TRPM3: variants seen among roughly 807,000 people sequenced by gnomAD.
TRPM3 encodes the protein transient receptor potential cation channel subfamily M member 3.
TRPM3 carries 77 observed loss-of-function variants against 181.2 expected under a neutral mutation model. The observed-to-expected ratio is 0.42, with a 90% confidence interval of 0.35 to 0.51. The LOEUF is 0.51. Ranked by LOEUF, TRPM3 falls within the 20% of genes least tolerant of loss-of-function variation. The pLI is 0.01. For missense variants in TRPM3, 1,759 were observed against 2,196.7 expected (o/e 0.80, Z 3.98); for synonymous variants, 745 against 796.4 (o/e 0.94, Z 1.09).
At chr9:70,931,522 A>G (rs2096775009) in intron 1 of TRPM3, among the ~76,000 whole-genome samples, 1 of 152,156 alleles carries the variant, frequency 6.6e-6, no homozygotes, top group Non-Finnish European at 1.5e-5. Context: ...TAATAAAAAC[A>G]ATAAAATGAA....
At chr9:71,268,226 A>G (rs1181230975) in intron 1 of TRPM3, among the ~76,000 whole-genome samples, 1 of 151,908 alleles carries the variant, frequency 6.6e-6, no homozygotes, top group Admixed American at 6.6e-5. Flanking sequence ...CTAAAAATAC[A>G]AAAGTTAGCC....
At chr9:70,776,013 A>T (rs80052820) in intron 7 of TRPM3, 1,886 of 156,538 alleles carry the variant, frequency 0.012, 46 homozygotes, top group African/African-American at 0.042. Flanking sequence ...ATATATTGTT[A>T]TTGACTATAG....
chr9:70,567,659 A>G (rs1482987039), intron 22 of TRPM3, among the ~76,000 whole-genome samples: 1 of 148,186 alleles, frequency 6.7e-6, no homozygotes, highest in Non-Finnish European at 1.5e-5. Flanking sequence ...CTAAACCACA[A>G]GTCGTATAAA....
At chr9:71,222,795 C>T (rs1373215513) in intron 1 of TRPM3, among the ~76,000 whole-genome samples, 5 of 152,136 alleles carry the variant, frequency 3.3e-5, no homozygotes, top group African/African-American at 4.8e-5. Context: ...CATTGGAACT[C>T]GGTGCTACCA....
chr9:71,423,186 A>G (rs2093807744), intron 1 of TRPM3, among the ~76,000 whole-genome samples: 2 of 152,076 alleles, frequency 1.3e-5, no homozygotes, highest in Non-Finnish European at 2.9e-5. Flanking sequence ...CAGTAAGTTC[A>G]CTTTTTATGT....
chr9:70,865,847 T>C (rs1394318302), intron 1 of TRPM3, among the ~76,000 whole-genome samples: 1 of 152,116 alleles, frequency 6.6e-6, no homozygotes, highest in Non-Finnish European at 1.5e-5. Context: ...GAATCATTTC[T>C]GGGTGTTCAT....
intron 9 of TRPM3, among the ~76,000 whole-genome samples, chr9:70,661,769 A>C (rs2061169771): frequency 6.6e-6 from 1 of 152,162 alleles, no homozygotes; most frequent in South Asian, 2.1e-4. Flanking sequence ...GCTGAAAGAA[A>C]GATAAGTGAA....
At chr9:70,580,645 T>G (rs1157218506) in intron 22 of TRPM3, among the ~76,000 whole-genome samples, 1 of 152,206 alleles carries the variant, frequency 6.6e-6, no homozygotes, top group Non-Finnish European at 1.5e-5. Context: ...GCATGCTCTG[T>G]CATGCCTCTG....
intron 1 of TRPM3, among the ~76,000 whole-genome samples, chr9:70,998,619 G>C (rs2097568575): frequency 6.6e-6 from 1 of 152,086 alleles, no homozygotes; most frequent in African/African-American, 2.4e-5. Context: ...TAGTTTTACT[G>C]CCTTAAAAAT....
chr9:70,591,264 T>C, intron 21 of TRPM3, 59 bp from the exon 22 acceptor site: 1 of 1,455,036 alleles, frequency 6.9e-7, no homozygotes, highest in Non-Finnish European at 9.6e-7. Flanking sequence ...TTGAGTGTTC[T>C]TATAATTGCT....
rs543538310 is a variant in TRPM3, at chr9:71,199,885, T to G, written c.183+246768A>C. ...GTCTCTATTTCCTTCAGTTCTGCTC[T>G]GATTTTAGTTATTTCTTGCCTTCTG... On this transcript the variant is annotated intron_variant, in intron 1 of 24. Transcript: ENST00000357533. Among the ~76,000 whole-genome samples the G allele has an allele frequency of 6.7e-3, 1,026 of 152,250 alleles. 6 individuals are homozygous for G. Among genetic ancestry groups the G allele is most frequent in the Non-Finnish European group, 0.01 (708 of 68,016 alleles).
At chr9:70,581,404 G>A (rs142511921) in intron 22 of TRPM3, among the ~76,000 whole-genome samples, 221 of 152,352 alleles carry the variant, frequency 1.5e-3, no homozygotes, top group Middle Eastern at 6.8e-3. Context: ...ATATCTAGCC[G>A]CAGGAAGCGA....
At chr9:70,675,969 GTTT>G (rs1220988982) in intron 9 of TRPM3, among the ~76,000 whole-genome samples, 1 of 152,044 alleles carries the variant, frequency 6.6e-6, no homozygotes, top group Admixed American at 6.6e-5. Flanking sequence ...CATTTTCTTA[GTTT>G]TTAACTTAAT....
chr9:71,187,392 C>T (rs898618783), intron 1 of TRPM3, among the ~76,000 whole-genome samples: 1 of 152,010 alleles, frequency 6.6e-6, no homozygotes, highest in African/African-American at 2.4e-5. Flanking sequence ...TATTCCTCCA[C>T]ATCTTCCTGG....
At chr9:70,963,468 G>A (rs2097156937) in intron 1 of TRPM3, among the ~76,000 whole-genome samples, 1 of 152,102 alleles carries the variant, frequency 6.6e-6, no homozygotes. Flanking sequence ...ATCTGGAGAG[G>A]AGAGAGGACT....
At chr9:70,587,739 C>T (rs934638242) in intron 22 of TRPM3, among the ~76,000 whole-genome samples, 1 of 152,166 alleles carries the variant, frequency 6.6e-6, no homozygotes, top group Non-Finnish European at 1.5e-5. Flanking sequence ...TTTAACAACC[C>T]AGGGCCTAAG....
intron 1 of TRPM3, among the ~76,000 whole-genome samples, chr9:71,335,805 T>C (rs2090514634): frequency 6.6e-6 from 1 of 151,768 alleles, no homozygotes; most frequent in African/African-American, 2.4e-5. Flanking sequence ...TAACAAACAG[T>C]TTTATACTTC....
chr9:71,195,711 C>T (rs537391521), intron 1 of TRPM3, among the ~76,000 whole-genome samples: 15 of 152,022 alleles, frequency 9.9e-5, no homozygotes, highest in East Asian at 1.9e-4. Flanking sequence ...TCAACCTAAA[C>T]GCCCATCAGT....
At chr9:71,223,414 C>A (rs2131859963) in intron 1 of TRPM3, among the ~76,000 whole-genome samples, 1 of 152,314 alleles carries the variant, frequency 6.6e-6, no homozygotes, top group East Asian at 1.9e-4. Context: ...TCAGGTAGTA[C>A]ATGTCATGGG....
Sources: allele counts gnomAD v4.1 joint callset (sites outside exome capture counted in the v4.1 genomes callset), GRCh38; gene constraint gnomAD v4.1.1; transcripts MANE v1.5; gene names NCBI Gene and HGNC (gene_info 2026-07-23, HGNC 2026-07-21).